Variants in NUGGC observed in about 807,000 individuals in gnomAD.
NUGGC encodes the protein nuclear GTPase, germinal center associated.
A neutral mutation model predicts 92.6 loss-of-function variants in NUGGC; 58 were observed. The observed-to-expected ratio is 0.63, with a 90% CI of 0.51 to 0.78. NUGGC has a LOEUF of 0.78. Among genes scored for constraint, NUGGC ranks in the 30% least tolerant of loss-of-function variants. NUGGC has a pLI of 0.00. For missense variants in NUGGC, 925 were observed against 964.6 expected, an observed-to-expected ratio of 0.96 and a Z score of 0.54; for synonymous variants, 376 against 366.4, an observed-to-expected ratio of 1.03 and a Z score of -0.30.
chr8:28,068,839 C>T (rs115398388), intron 4 of NUGGC, among the ~76,000 whole-genome samples: 5 of 152,082 alleles, frequency 3.3e-5, no homozygotes, highest in Admixed American at 1.3e-4. Flanking sequence ...TAGGCTCAAG[C>T]GACTCCCTTG....
chr8:28,074,765 G>T (rs1470027939), intron 1 of NUGGC, among the ~76,000 whole-genome samples: 1 of 152,106 alleles, frequency 6.6e-6, no homozygotes, highest in African/African-American at 2.4e-5. Flanking sequence ...ATGGTGAAAT[G>T]CCGTCTCTAC....
chr8:28,067,423 C>A, intron 6 of NUGGC, 91 bp downstream of exon 6: 8 of 795,382 alleles, frequency 1.0e-5, no homozygotes, highest in Non-Finnish European at 1.7e-5. Context: ...TTCACACAAA[C>A]ACTGTACCAC....
chr8:28,068,244 T>G lies in NUGGC; in HGVS notation c.452A>C (p.Glu151Ala), dbSNP rs998778717. ...GTCAGACAGAAGGTGGATTTTGGCC[T>G]CATACTGCACACAGCAGCCAGAGCT... ...QVSSGCCVQY[E>A]AKIHLLSDQE... Residue 151 changes from glutamate (E) to alanine (A), a missense_variant, in exon 5 of 19, where the codon GAG becomes GCG. Physicochemically the swap from Glu to Ala is moderately radical, Grantham distance 107. Coordinates refer to ENST00000413272, the MANE Select transcript of NUGGC (RefSeq NM_001010906.2). 5 of 1,550,190 alleles carry G rather than the reference T, an allele frequency of 3.2e-6. No individual in the cohort carries two copies. Among genetic ancestry groups the G allele is most frequent in the Non-Finnish European group, 4.4e-6 (5 of 1,146,836 alleles).
At chr8:28,070,819 A>AAT (rs200095027) in intron 2 of NUGGC, among the ~76,000 whole-genome samples, 60 of 148,656 alleles carry the variant, frequency 4.0e-4, no homozygotes, top group Admixed American at 2.1e-3. Flanking sequence ...ACTTACCAAA[A>AAT]ATATATATAT....
At position 28,055,934 on chromosome 8, in the gene NUGGC, G is replaced by C. The variant is rs779221136; in HGVS notation, c.1206+31C>G. 1.3e-5 allele frequency: 16 copies of C among 1,261,650 alleles called. No homozygotes were observed. The African/African-American group carries it at 2.1e-4, about 16-fold the overall frequency. The allele number at this position is 1,261,650 out of a possible 1,614,324, so 78.2% of individuals were successfully genotyped here. ...CCCAAAATCTAGTTGCTGGGATACA[G>C]AAAAACACATAGAGAAACCTATTAA... On this transcript the variant is annotated intron_variant, in intron 10 of 18. Coordinates refer to ENST00000413272, the MANE Select transcript of NUGGC (RefSeq NM_001010906.2).
chr8:28,071,160 T>A (rs9644135), intron 2 of NUGGC, among the ~76,000 whole-genome samples: 58,027 of 151,998 alleles, frequency 0.38, 15,014 homozygotes, highest in East Asian at 0.89. Context: ...CCCAGATAAA[T>A]AGTTTCTATT....
chr8:28,022,537 TG>T lies in NUGGC; in HGVS notation c.*779del, dbSNP rs1809144133. 6.6e-6 allele frequency: 1 copy of T among 152,312 alleles called. No individual in the cohort carries two copies. Among genetic ancestry groups the T allele is most frequent in the African/African-American group, 2.4e-5 (1 of 41,568 alleles). The allele number at this position is 152,312 out of a possible 1,614,324, so 9.4% of individuals were successfully genotyped here. ...CCATTAGGTATTGAAGATGACTCTTTGGGGCTATAAAATAAAATGCAGTAAA... is the reference window on the plus strand; with the variant it reads ...CCATTAGGTATTGAAGATGACTCTTTGGGCTATAAAATAAAATGCAGTAAA... On this transcript the variant is annotated 3_prime_UTR_variant, in exon 19 of 19. Coordinates refer to ENST00000413272, the MANE Select transcript of NUGGC (RefSeq NM_001010906.2).
intron 10 of NUGGC, among the ~76,000 whole-genome samples, chr8:28,051,619 T>G (rs1443091575): frequency 6.6e-6 from 1 of 152,114 alleles, no homozygotes; most frequent in African/African-American, 2.4e-5. Context: ...CGTGTGACAG[T>G]TTATAGTAAA....
intron 11 of NUGGC, among the ~76,000 whole-genome samples, 168 bp downstream of exon 11, chr8:28,047,339 C>T (rs1366804214): frequency 6.6e-6 from 1 of 152,042 alleles, no homozygotes; most frequent in Non-Finnish European, 1.5e-5. Flanking sequence ...TCTCTGGCAC[C>T]ACAACAATGC....
intron 10 of NUGGC, among the ~76,000 whole-genome samples, chr8:28,051,640 A>G (rs995288976): frequency 3.9e-5 from 6 of 152,226 alleles, no homozygotes; most frequent in African/African-American, 1.4e-4. Context: ...AACTGAGCCA[A>G]GGCGGCCAGG....
At chr8:28,028,392 T>C (rs375046071) in intron 17 of NUGGC, among the ~76,000 whole-genome samples, 3 of 152,306 alleles carry the variant, frequency 2.0e-5, no homozygotes, top group African/African-American at 7.2e-5. Context: ...AAGAAGGATA[T>C]TTTCCAAAAC....
intron 1 of NUGGC, among the ~76,000 whole-genome samples, chr8:28,078,837 AT>A (rs1810782546): frequency 6.6e-6 from 1 of 152,156 alleles, no homozygotes; most frequent in Non-Finnish European, 1.5e-5. Flanking sequence ...AAGGGAAGGA[AT>A]GGTGGTGTTC....
chr8:28,073,312 G>A (rs2130270793), intron 2 of NUGGC, among the ~76,000 whole-genome samples: 1 of 151,452 alleles, frequency 6.6e-6, no homozygotes, highest in South Asian at 2.1e-4. Flanking sequence ...ACCATTGCCA[G>A]AAACTGCCAG....
intron 10 of NUGGC, among the ~76,000 whole-genome samples, chr8:28,054,803 C>G (rs1156692434): frequency 6.6e-6 from 1 of 152,088 alleles, no homozygotes. Context: ...GTCCCAGCTA[C>G]GTGGGAGGCT....
rs745855698 is a variant in NUGGC at position 28,023,348 on chromosome 8, C to T, written c.2360G>A (p.Ser787Asn). The T allele has an allele frequency of 6.2e-7, 1 of 1,613,872 alleles. No homozygotes were observed. The highest frequency in any genetic ancestry group is 1.7e-5 in the Admixed American group (1 of 60,008). ...MQEFLLRASP[S>N]KAGPPGTSL is the part of the protein sequence containing the mutation. ...TGATGTCCCGGGGGGGCCAGCCTTGCTGGGGGATGCCCTTAGGAGGAATTC... is the reference window on the plus strand; with the variant it reads ...TGATGTCCCGGGGGGGCCAGCCTTGTTGGGGGATGCCCTTAGGAGGAATTC... The change falls in exon 19 of 19, where the codon AGC becomes AAC. Residue 787 changes from serine (S) to asparagine (N), a missense_variant. Coordinates refer to ENST00000413272, the MANE Select transcript of NUGGC (RefSeq NM_001010906.2).
chr8:28,030,518 T>C (rs1374363862), intron 15 of NUGGC, 100 bp from the exon 16 acceptor site: 1 of 690,864 alleles, frequency 1.4e-6, no homozygotes, highest in Non-Finnish European at 2.7e-6. Context: ...ACCTCCACCT[T>C]ATATGATGCC....
intron 2 of NUGGC, among the ~76,000 whole-genome samples, chr8:28,073,481 T>C (rs151236618): frequency 3.1e-4 from 47 of 152,254 alleles, no homozygotes; most frequent in African/African-American, 9.9e-4. Context: ...CCTAAGGAAA[T>C]CCATCCCCTC....
chr8:28,029,560 C>T (rs1050178457), intron 16 of NUGGC, among the ~76,000 whole-genome samples, 158 bp from the exon 17 acceptor site: 11 of 152,028 alleles, frequency 7.2e-5, no homozygotes, highest in Non-Finnish European at 1.0e-4. Context: ...ACCAGCCTGC[C>T]CAACATGGTG....
chr8:28,043,035 C>T (rs773207004), intron 12 of NUGGC, among the ~76,000 whole-genome samples: 3 of 152,160 alleles, frequency 2.0e-5, no homozygotes, highest in African/African-American at 7.2e-5. Context: ...TCATTTTCAC[C>T]ATTAAGAATT....
Sources: gnomAD v4.1 joint callset for allele counts (sites outside exome capture counted in the v4.1 genomes callset) on GRCh38, gnomAD v4.1.1 for gene constraint, MANE v1.5 for transcripts, NCBI Gene and HGNC (gene_info 2026-07-23, HGNC 2026-07-21) for gene names.